Variants in TOLLIP observed in about 807,000 individuals in gnomAD.
TOLLIP encodes toll interacting protein.
In TOLLIP, 16 loss-of-function variants were observed where a neutral mutation model predicts 33.5. The ratio of observed to expected loss-of-function variants is 0.48; its 90% confidence interval spans 0.32 to 0.72. The LOEUF is 0.72. Among genes scored for constraint, TOLLIP ranks in the 30% least tolerant of loss-of-function variants. The pLI is 0.03. For synonymous variants in TOLLIP, 176 were observed against 163.7 expected (o/e 1.07, Z -0.57); for missense variants, 325 against 396.6 (o/e 0.82, Z 1.53).
rs893613493 is a variant in TOLLIP at position 1,275,695 on chromosome 11, G to A, written c.*1344C>T. The A allele has an allele frequency of 3.9e-5, 6 of 152,078 alleles. No individual in the cohort carries two copies. The highest frequency in any genetic ancestry group is 1.4e-4 in the African/African-American group (6 of 41,398). 9.4% of individuals were successfully genotyped at this position (152,078 alleles called of 1,614,324 possible). On this transcript the variant is annotated 3_prime_UTR_variant, in exon 6 of 6. Transcript: ENST00000317204. ...TATTTGACAAAAACCACCCCCAATC[G>A]ATGGCAGAAAGCAGTATTTTCTAGC...
At chr11:1,305,474 C>T (rs780257979) in intron 1 of TOLLIP, among the ~76,000 whole-genome samples, 15 of 152,180 alleles carry the variant, frequency 9.9e-5, no homozygotes, top group South Asian at 2.1e-4. Flanking sequence ...CCTTGAGGTA[C>T]GGGAAGATGA....
intron 1 of TOLLIP, among the ~76,000 whole-genome samples, chr11:1,299,588 C>T (rs1217475985): frequency 2.0e-5 from 3 of 152,130 alleles, no homozygotes; most frequent in Admixed American, 6.5e-5. Flanking sequence ...ATATGCTTTA[C>T]CCTGGTTCAA....
intron 5 of TOLLIP, among the ~76,000 whole-genome samples, chr11:1,283,866 G>A (rs1183391332): frequency 1.3e-5 from 2 of 152,172 alleles, no homozygotes; most frequent in African/African-American, 2.4e-5. Context: ...CAGCCTTGAC[G>A]AGTGAGTGGC....
chr11:1,286,440 T>A (rs1012377831), intron 4 of TOLLIP, among the ~76,000 whole-genome samples: 2 of 152,202 alleles, frequency 1.3e-5, no homozygotes, highest in Non-Finnish European at 2.9e-5. Flanking sequence ...GTGTCTGAGT[T>A]TGAAAGTGTC....
chr11:1,301,822 G>C (rs528630262), intron 1 of TOLLIP, among the ~76,000 whole-genome samples: 73 of 152,364 alleles, frequency 4.8e-4, no homozygotes, highest in Non-Finnish European at 9.0e-4. Flanking sequence ...TGGCTAAAGG[G>C]ACAGAGGAAG....
intron 1 of TOLLIP, among the ~76,000 whole-genome samples, chr11:1,301,605 T>A (rs1434119359): frequency 1.3e-5 from 2 of 151,980 alleles, no homozygotes; most frequent in African/African-American, 2.4e-5. Flanking sequence ...CCTTGTGCCC[T>A]CTCAGGGTCA....
chr11:1,279,357 T>C (rs1449987642), intron 5 of TOLLIP, among the ~76,000 whole-genome samples: 1 of 152,236 alleles, frequency 6.6e-6, no homozygotes, highest in East Asian at 1.9e-4. Flanking sequence ...GTGCCTGGCC[T>C]GAGCCGGCCC....
Position 1,277,327 on chromosome 11 carries a change from A to G in TOLLIP, c.611-74T>C, listed in dbSNP as rs1863343997. Reference sequence around the variant, plus strand: ...TGCCACACTAGCTCCTGCTGAAGGAAGAAAACAACGCATCCCACCGGCCTC... The same window carrying G: ...TGCCACACTAGCTCCTGCTGAAGGAGGAAAACAACGCATCCCACCGGCCTC... On this transcript the variant is annotated intron_variant, in intron 5 of 5. Transcript: ENST00000317204. The surrounding 1 kb of genome is among the most constrained non-coding windows in gnomAD (Gnocchi z 4.2). 7.9e-7 allele frequency: 1 copy of G among 1,272,620 alleles called. No individual in the cohort carries two copies. The highest frequency in any genetic ancestry group is 1.1e-6 in the Non-Finnish European group (1 of 938,256). The allele number at this position is 1,272,620 out of a possible 1,614,324, so 78.8% of individuals were successfully genotyped here.
At chr11:1,295,964 G>C (rs1177786494) in intron 1 of TOLLIP, among the ~76,000 whole-genome samples, 170 bp from the exon 2 acceptor site, 1 of 152,174 alleles carries the variant, frequency 6.6e-6, no homozygotes, top group Non-Finnish European at 1.5e-5. Context: ...GGTCAAGGGT[G>C]TCCAGCCTGG....
At chr11:1,306,284 A>G (rs1327345453) in intron 1 of TOLLIP, 1 of 151,414 alleles carries the variant, frequency 6.6e-6, no homozygotes, top group Non-Finnish European at 1.5e-5. Context: ...ACACCTACCC[A>G]CCCGGGCCCC....
intron 4 of TOLLIP, among the ~76,000 whole-genome samples, chr11:1,286,728 C>T (rs529754243): frequency 6.6e-6 from 1 of 152,082 alleles, no homozygotes; most frequent in African/African-American, 2.4e-5. Context: ...TAAGTCACTG[C>T]ACTGCTGTCT....
intron 1 of TOLLIP, among the ~76,000 whole-genome samples, chr11:1,308,852 G>GA (rs1239383137): frequency 2.6e-5 from 4 of 151,384 alleles, no homozygotes; most frequent in Non-Finnish European, 4.4e-5. Context: ...CACCTGGGGG[G>GA]CCATCAGGGT....
At chr11:1,308,908 G>C (rs1864500510) in intron 1 of TOLLIP, among the ~76,000 whole-genome samples, 1 of 147,940 alleles carries the variant, frequency 6.8e-6, no homozygotes, top group African/African-American at 2.5e-5. Flanking sequence ...TGCGGGGCCC[G>C]CCTCCATCTA....
chr11:1,295,662 TCA>T lies in TOLLIP; in HGVS notation c.164_165del (p.Leu55GlnfsTer47). ...YGGAVGTVGR[L>X]NITVVQAKLA... ...AGGCCCACCTGTACCACCGTGATGT[TCA>T]GTCGGCCCACGGTGCCCACTGCGCC... On this transcript the variant is annotated frameshift_variant, in exon 2 of 6. Coordinates refer to ENST00000317204, the MANE Select transcript of TOLLIP (RefSeq NM_019009.4). LOFTEE classifies it high-confidence loss of function. 6.3e-7 allele frequency: 1 copy of T among 1,591,740 alleles called. No individual in the cohort carries two copies. Among genetic ancestry groups the T allele is most frequent in the East Asian group, 2.3e-5 (1 of 44,364 alleles).
rs1044599747 is a variant in TOLLIP, at chr11:1,287,978, T to C, written c.519+646A>G. On this transcript the variant is annotated intron_variant, in intron 4 of 5. Transcript: ENST00000317204. ...CCATTTTTCAGTAACAGCCTGAAAA[T>C]CCTCTGGTTGATGATACAGACGAGA... 2.0e-5 allele frequency among the ~76,000 whole-genome samples: 3 copies of C among 151,334 alleles called. No homozygotes were observed. The South Asian group carries it at 6.3e-4, about 32-fold the overall frequency.
intron 3 of TOLLIP, 76 bp from the exon 4 acceptor site, chr11:1,288,852 GC>G: frequency 6.6e-7 from 1 of 1,508,352 alleles, no homozygotes; most frequent in Non-Finnish European, 9.0e-7. Flanking sequence ...ACCATCGTGG[GC>G]CCGCCTCGAG....
chr11:1,289,034 A>G (rs1276468419), intron 3 of TOLLIP, among the ~76,000 whole-genome samples: 11 of 152,178 alleles, frequency 7.2e-5, no homozygotes, highest in Non-Finnish European at 4.4e-5. Flanking sequence ...GGGGCTGGGG[A>G]AAGCGAGGGC....
intron 5 of TOLLIP, among the ~76,000 whole-genome samples, chr11:1,283,885 C>T (rs749721078): frequency 1.8e-4 from 28 of 152,222 alleles, no homozygotes; most frequent in Admixed American, 1.4e-3. Flanking sequence ...GCCCTGCCTA[C>T]GGGGCTTCGA....
At chr11:1,291,862 C>T (rs1448797106) in intron 2 of TOLLIP, 1 of 159,666 alleles carries the variant, frequency 6.3e-6, no homozygotes, top group Non-Finnish European at 1.4e-5. Context: ...CACCGACCCC[C>T]GAGGGCACGG....
Sources: allele counts gnomAD v4.1 joint callset (sites outside exome capture counted in the v4.1 genomes callset), GRCh38; gene constraint gnomAD v4.1.1; non-coding constraint Gnocchi (gnomAD v3.1); transcripts MANE v1.5; gene names NCBI Gene and HGNC (gene_info 2026-07-23, HGNC 2026-07-21).